Variants in SKAP1 observed in about 807,000 individuals in gnomAD.
SKAP1 encodes src kinase-associated phosphoprotein 1.
SKAP1 carries 44 observed loss-of-function variants against 58.5 expected under a neutral mutation model. That is an observed-to-expected ratio of 0.75 (90% CI 0.59 to 0.97). The LOEUF is 0.97. SKAP1 is among the 50% of genes least tolerant of loss of function. The pLI, the probability that SKAP1 is intolerant of heterozygous loss-of-function variation, is 0.00. For missense variants in SKAP1, 390 were observed against 435.2 expected (o/e 0.90, Z 0.92); for synonymous variants, 127 against 149.7 (o/e 0.85, Z 1.11).
chr17:48,272,298 A>G (rs2143990103), intron 4 of SKAP1, among the ~76,000 whole-genome samples: 1 of 151,772 alleles, frequency 6.6e-6, no homozygotes. Flanking sequence ...TGCCTGGCTA[A>G]TTTTTGTATT....
chr17:48,354,027 T>C (rs2066842662), intron 3 of SKAP1, among the ~76,000 whole-genome samples: 1 of 152,038 alleles, frequency 6.6e-6, no homozygotes, highest in South Asian at 2.1e-4. Flanking sequence ...AGAAATGTTT[T>C]TCAAAAGTCC....
chr17:48,263,927 A>G (rs1169532334), intron 4 of SKAP1, among the ~76,000 whole-genome samples: 5 of 152,170 alleles, frequency 3.3e-5, no homozygotes, highest in South Asian at 4.1e-4. Flanking sequence ...AGGAGAGCAA[A>G]CGAGAGTGTC....
At chr17:48,295,061 T>G (rs983180550) in intron 4 of SKAP1, among the ~76,000 whole-genome samples, 1 of 152,174 alleles carries the variant, frequency 6.6e-6, no homozygotes, top group African/African-American at 2.4e-5. Flanking sequence ...AAAATTTAAA[T>G]GACTAACAGA....
intron 6 of SKAP1, chr17:48,185,110 T>C (rs1288365023): frequency 2.6e-6 from 1 of 380,238 alleles, no homozygotes; most frequent in African/African-American, 2.1e-5. Context: ...ATTAGAATGT[T>C]AAGAGATCTA....
At chr17:48,343,874 A>G (rs2066688635) in intron 4 of SKAP1, among the ~76,000 whole-genome samples, 1 of 152,182 alleles carries the variant, frequency 6.6e-6, no homozygotes, top group Admixed American at 6.5e-5. Context: ...TTAGAACCAG[A>G]CTATGTATGT....
At chr17:48,218,905 G>C (rs1288994617) in intron 4 of SKAP1, among the ~76,000 whole-genome samples, 5 of 152,014 alleles carry the variant, frequency 3.3e-5, no homozygotes, top group Non-Finnish European at 7.4e-5. Flanking sequence ...ACCCTCATGG[G>C]GTGGCCATGT....
intron 2 of SKAP1, chr17:48,377,405 C>G (rs1049716429): frequency 6.9e-6 from 1 of 145,636 alleles, no homozygotes; most frequent in South Asian, 2.1e-4. Context: ...GAGACCCCAT[C>G]TCTAGAAAAA....
intron 4 of SKAP1, among the ~76,000 whole-genome samples, chr17:48,281,379 A>C (rs747589480): frequency 9.4e-4 from 143 of 152,250 alleles, no homozygotes; most frequent in Admixed American, 1.4e-3. Flanking sequence ...GAAACCATGA[A>C]GCTCTTTGTC....
At chr17:48,272,232 A>G (rs2065643125) in intron 4 of SKAP1, among the ~76,000 whole-genome samples, 1 of 151,840 alleles carries the variant, frequency 6.6e-6, no homozygotes, top group Non-Finnish European at 1.5e-5. Context: ...ACTGGGTTCA[A>G]GAAATTCTTC....
rs1470157147 is a variant in SKAP1 at position 48,184,708 on chromosome 17, C to T, written c.567+15G>A. The stretch of plus-strand genomic sequence containing the variant: ...CAACACCAAGAAGGATCACCATCTC[C>T]TTGATGCGTCCTACCTCATAGCTGC... On this transcript the variant is annotated intron_variant, in intron 7 of 12. Transcript: ENST00000336915. The T allele has an allele frequency of 6.2e-7, 1 of 1,613,978 alleles. No individual in the cohort carries two copies. The highest frequency in any genetic ancestry group is 1.1e-5 in the South Asian group (1 of 91,070).
intron 11 of SKAP1, among the ~76,000 whole-genome samples, chr17:48,162,218 G>A (rs570202450): frequency 3.3e-5 from 5 of 152,268 alleles, no homozygotes; most frequent in South Asian, 2.1e-4. Context: ...CACCAGCCTC[G>A]GCCTCCCAAA....
intron 4 of SKAP1, among the ~76,000 whole-genome samples, chr17:48,190,933 C>T (rs1466702765): frequency 1.3e-5 from 2 of 152,128 alleles, no homozygotes; most frequent in Admixed American, 6.5e-5. Context: ...TGCAGTGAGC[C>T]GAGATCGTGC....
At chr17:48,258,901 C>A (rs1249256474) in intron 4 of SKAP1, among the ~76,000 whole-genome samples, 2 of 152,064 alleles carry the variant, frequency 1.3e-5, no homozygotes, top group East Asian at 3.9e-4. Context: ...AAATATTTCT[C>A]ATCACTAATC....
At chr17:48,392,862 A>T (rs58532748) in intron 2 of SKAP1, among the ~76,000 whole-genome samples, 7,410 of 147,246 alleles carry the variant, frequency 0.05, 351 homozygotes, top group South Asian at 0.26. Context: ...TCTCAAAAAA[A>T]ATATATATAT....
chr17:48,320,109 A>T (rs533835627), intron 4 of SKAP1, among the ~76,000 whole-genome samples: 9 of 152,288 alleles, frequency 5.9e-5, no homozygotes, highest in South Asian at 4.1e-4. Flanking sequence ...AATAAAAATG[A>T]AGCTAAAAGG....
chr17:48,161,428 G>C (rs1016694928), intron 11 of SKAP1, among the ~76,000 whole-genome samples: 4 of 152,312 alleles, frequency 2.6e-5, no homozygotes, highest in African/African-American at 4.8e-5. Flanking sequence ...GCTAGGGACA[G>C]AGCCTATTAT....
At chr17:48,308,188 G>A (rs2066174903) in intron 4 of SKAP1, 1 of 152,120 alleles carries the variant, frequency 6.6e-6, no homozygotes, top group South Asian at 2.1e-4. Flanking sequence ...TTAAAAATAG[G>A]AGAAAGAAAA....
chr17:48,341,977 GATCA>G, intron 4 of SKAP1, among the ~76,000 whole-genome samples: 1 of 152,092 alleles, frequency 6.6e-6, no homozygotes, highest in South Asian at 2.1e-4. Context: ...CTTACAGAAT[GATCA>G]CTTTCCCCAA....
intron 4 of SKAP1, among the ~76,000 whole-genome samples, chr17:48,327,455 T>G (rs2066453843): frequency 6.6e-6 from 1 of 152,224 alleles, no homozygotes; most frequent in Non-Finnish European, 1.5e-5. Context: ...ATTTCTCTTT[T>G]CTTTTGAAAA....
Sources: gnomAD v4.1 joint callset for allele counts (sites outside exome capture counted in the v4.1 genomes callset) on GRCh38, gnomAD v4.1.1 for gene constraint, MANE v1.5 for transcripts, NCBI Gene and HGNC (gene_info 2026-07-23, HGNC 2026-07-21) for gene names.